SYT1: variants seen among roughly 807,000 people sequenced by gnomAD.
SYT1 encodes the protein synaptotagmin-1.
Under a neutral mutation model 44.8 loss-of-function variants are expected in SYT1, and 8 were observed. That is an observed-to-expected ratio of 0.18 (90% CI 0.10 to 0.32). The LOEUF is 0.32. Ranked by LOEUF, SYT1 falls within the 10% of genes least tolerant of loss-of-function variation. The pLI, the probability that SYT1 is intolerant of heterozygous loss-of-function variation, is 1.00. For synonymous variants in SYT1, 154 were observed against 188.8 expected, an observed-to-expected ratio of 0.82 and a Z score of 1.51; for missense variants, 286 against 509.3, an observed-to-expected ratio of 0.56 and a Z score of 4.22.
At chr12:79,337,581 G>C (rs749033764) in intron 8 of SYT1, among the ~76,000 whole-genome samples, 2 of 152,058 alleles carry the variant, frequency 1.3e-5, no homozygotes, top group Non-Finnish European at 2.9e-5. Flanking sequence ...TTAGTAAAAA[G>C]GTAATGCTGC....
At chr12:78,907,691 C>T (rs957333316) in intron 1 of SYT1, among the ~76,000 whole-genome samples, 1 of 151,904 alleles carries the variant, frequency 6.6e-6, no homozygotes, top group Non-Finnish European at 1.5e-5. Context: ...TGCCAAGTGC[C>T]GTTAGGTCAA....
intron 3 of SYT1, among the ~76,000 whole-genome samples, chr12:79,117,330 A>G (rs73355544): frequency 0.034 from 5,234 of 151,978 alleles, 172 homozygotes; most frequent in South Asian, 0.11. Flanking sequence ...ATCCATGCGG[A>G]CCCACAATGC....
At chr12:79,001,044 C>G (rs902720691) in intron 2 of SYT1, among the ~76,000 whole-genome samples, 1 of 152,068 alleles carries the variant, frequency 6.6e-6, no homozygotes, top group Non-Finnish European at 1.5e-5. Context: ...TGTGATTGCC[C>G]ATGGAATCCC....
At chr12:79,048,490 A>G (rs1657483602) in intron 3 of SYT1, among the ~76,000 whole-genome samples, 1 of 151,890 alleles carries the variant, frequency 6.6e-6, no homozygotes, top group African/African-American at 2.4e-5. Context: ...CAGAGAAAAC[A>G]CATTTCTTTT....
At chr12:79,068,529 A>G (rs1336302752) in intron 3 of SYT1, among the ~76,000 whole-genome samples, 1 of 152,144 alleles carries the variant, frequency 6.6e-6, no homozygotes, top group East Asian at 1.9e-4. Context: ...ATGCTCTGGA[A>G]GTGTTTTCTG....
chr12:79,060,257 T>C (rs901499542), intron 3 of SYT1, among the ~76,000 whole-genome samples: 1 of 151,946 alleles, frequency 6.6e-6, no homozygotes, highest in African/African-American at 2.4e-5. Context: ...TACGTCCCTG[T>C]AACAAAAAGC....
At chr12:79,084,339 G>T (rs1025388433) in intron 3 of SYT1, among the ~76,000 whole-genome samples, 1 of 152,104 alleles carries the variant, frequency 6.6e-6, no homozygotes, top group African/African-American at 2.4e-5. Flanking sequence ...AAGATATTAT[G>T]AGGGTAAATG....
At chr12:79,237,697 C>A (rs528426142) in intron 4 of SYT1, among the ~76,000 whole-genome samples, 1 of 152,300 alleles carries the variant, frequency 6.6e-6, no homozygotes, top group Admixed American at 6.5e-5. Flanking sequence ...AGCAGGCAAT[C>A]TACCCTTATA....
At chr12:79,003,707 TTGA>T (rs1435457839) in intron 2 of SYT1, among the ~76,000 whole-genome samples, 1 of 151,984 alleles carries the variant, frequency 6.6e-6, no homozygotes, top group East Asian at 1.9e-4. Context: ...ACTTGACACG[TTGA>T]TGATGTAGTC....
rs185852485 is a variant in SYT1, at chr12:79,268,903, G to A, written c.167-16884G>A. On this transcript the variant is annotated intron_variant, in intron 4 of 10. Transcript: ENST00000261205. ...TGGCTGACAAATTAGATTAAAAGGA[G>A]TCTGAAAACCAAAGGAAAGAAAGGA... Among the ~76,000 whole-genome samples the A allele has an allele frequency of 1.2e-3, 181 of 152,236 alleles. 2 individuals carry two copies. Among genetic ancestry groups the A allele is most frequent in the African/African-American group, 4.1e-3 (171 of 41,544 alleles).
intron 9 of SYT1, among the ~76,000 whole-genome samples, chr12:79,418,284 G>A (rs376539277): frequency 6.6e-6 from 1 of 152,118 alleles, no homozygotes; most frequent in Non-Finnish European, 1.5e-5. Flanking sequence ...CTTGGTGCCC[G>A]AATGATCATT....
At chr12:79,272,676 C>A (rs1245624798) in intron 4 of SYT1, among the ~76,000 whole-genome samples, 2 of 151,652 alleles carry the variant, frequency 1.3e-5, no homozygotes, top group Admixed American at 1.3e-4. Flanking sequence ...AGTAGTGAGG[C>A]ATGGGAAAGC....
intron 2 of SYT1, among the ~76,000 whole-genome samples, chr12:79,011,140 A>G (rs192685510): frequency 2.0e-5 from 3 of 152,350 alleles, no homozygotes; most frequent in Admixed American, 1.3e-4. Flanking sequence ...ATATAATGTC[A>G]TTAGTGAAGA....
intron 1 of SYT1, among the ~76,000 whole-genome samples, chr12:78,889,512 T>C (rs1428762511): frequency 1.3e-5 from 2 of 151,986 alleles, no homozygotes; most frequent in Non-Finnish European, 2.9e-5. Flanking sequence ...GAGGAATAAC[T>C]GAGACTTTGT....
chr12:79,278,311 A>G (rs1878849351), intron 4 of SYT1, among the ~76,000 whole-genome samples: 2 of 152,190 alleles, frequency 1.3e-5, no homozygotes, highest in Non-Finnish European at 2.9e-5. Context: ...CCTACCAAGT[A>G]TCTTCTCAGA....
chr12:78,866,886 C>G (rs142752199), intron 1 of SYT1, among the ~76,000 whole-genome samples: 1 of 151,984 alleles, frequency 6.6e-6, no homozygotes, highest in Non-Finnish European at 1.5e-5. Context: ...TCACTACGTA[C>G]GTTTAATATA....
intron 2 of SYT1, among the ~76,000 whole-genome samples, chr12:79,021,985 T>C (rs1413774252): frequency 6.6e-6 from 1 of 151,770 alleles, no homozygotes; most frequent in Non-Finnish European, 1.5e-5. Context: ...TGATTTACTT[T>C]TTTCCCACTG....
intron 2 of SYT1, among the ~76,000 whole-genome samples, chr12:79,020,819 A>G (rs1242076430): frequency 6.6e-6 from 1 of 151,936 alleles, no homozygotes; most frequent in Non-Finnish European, 1.5e-5. Flanking sequence ...TTTAATTCCT[A>G]GACCATTGCT....
At position 79,047,584 on chromosome 12, in the gene SYT1, A is replaced by C. The variant is rs111652410; in HGVS notation, c.-18+222A>C. ...ACTCGTTGTGATACATTTATGGGGC[A>C]GAAAACGTTTATGATGACTCCATCA... is the stretch of plus-strand genomic sequence containing the variant. On this transcript the variant is annotated intron_variant, in intron 3 of 10. Transcript: ENST00000261205. Among the ~76,000 whole-genome samples, 726 of 152,012 alleles carry C rather than the reference A, an allele frequency of 4.8e-3. 6 individuals are homozygous for C. The highest frequency in any genetic ancestry group is 0.017 in the African/African-American group (689 of 41,550).
Sources: allele counts gnomAD v4.1 joint callset (sites outside exome capture counted in the v4.1 genomes callset), GRCh38; gene constraint gnomAD v4.1.1; transcripts MANE v1.5; gene names NCBI Gene and HGNC (gene_info 2026-07-23, HGNC 2026-07-21).